ABCD2: variants seen among roughly 807,000 people sequenced by gnomAD.
ABCD2 encodes the protein ATP-binding cassette sub-family D member 2.
Under a neutral mutation model 70.9 loss-of-function variants are expected in ABCD2, and 36 were observed. That is an observed-to-expected ratio of 0.51 (90% CI 0.39 to 0.67). The LOEUF is 0.67. Ranked by LOEUF, ABCD2 falls within the 30% of genes least tolerant of loss-of-function variation. The pLI is 0.00. For missense variants in ABCD2, 729 were observed against 890.2 expected (o/e 0.82, Z 2.30); for synonymous variants, 304 against 306.9 (o/e 0.99, Z 0.10).
rs746425557 is a variant in ABCD2, at chr12:39,603,963, A to C, written c.1449T>G (p.Val483=). The change falls in exon 5 of 10, where the codon GTT becomes GTG. Residue 483 remains valine (V), a synonymous_variant. Transcript: ENST00000308666. The part of the protein sequence containing the change: ...DVDHGIICEN[V]PIITPAGEVV... ...CTTCTCCTGCTGGTGTAATTATGGG[A>C]ACATTTTCACAAATAATTCCGTGAT... is the stretch of plus-strand genomic sequence containing the variant. 1 of 1,612,990 alleles carries C rather than the reference A, an allele frequency of 6.2e-7. No homozygotes were observed. The highest frequency in any genetic ancestry group is 8.5e-7 in the Non-Finnish European group (1 of 1,179,316).
At position 39,616,995 on chromosome 12, in the gene ABCD2, T is replaced by C. The variant is rs1423930097; in HGVS notation, c.1113A>G (p.Ala371=). ...AAGCATAAATGTCATTACCACCATC[T>C]GCAAAGCCAGTTGCAGTGATAATAG... is the stretch of plus-strand genomic sequence containing the variant. ...AIPIITATGF[A]DGEDGQKQVM... The change falls in exon 2 of 10, where the codon GCA becomes GCG. Residue 371 remains alanine, a synonymous_variant. Coordinates refer to ENST00000308666, the MANE Select transcript of ABCD2 (RefSeq NM_005164.4). 1 of 1,585,708 alleles carries C rather than the reference T, an allele frequency of 6.3e-7. No homozygotes were observed.
At chr12:39,613,529 T>C (rs1008151988) in intron 2 of ABCD2, among the ~76,000 whole-genome samples, 2 of 150,658 alleles carry the variant, frequency 1.3e-5, no homozygotes, top group African/African-American at 4.9e-5. Context: ...TAATAGAAAC[T>C]CTACATAACT....
intron 7 of ABCD2, among the ~76,000 whole-genome samples, chr12:39,582,179 G>A (rs1215676967): frequency 6.6e-6 from 1 of 152,068 alleles, no homozygotes; most frequent in African/African-American, 2.4e-5. Context: ...TTATGTGCAA[G>A]GATATAATAG....
At position 39,619,380 on chromosome 12, in the gene ABCD2, C is replaced by T. The variant is rs1212246542; in HGVS notation, c.236G>A (p.Gly79Glu). 1 of 1,613,938 alleles carries T rather than the reference C, an allele frequency of 6.2e-7. No homozygotes were observed. Among genetic ancestry groups the T allele is most frequent in the South Asian group, 1.1e-5 (1 of 91,048 alleles). Residue 79 changes from glycine to glutamate, a missense_variant, in exon 1 of 10, where the codon GGA becomes GAA. Around this residue, in one of 3 missense-constraint regions of ABCD2, gnomAD observed 245 missense variants for 261.2 expected, o/e 0.94. Coordinates refer to ENST00000308666, the MANE Select transcript of ABCD2 (RefSeq NM_005164.4). ...CTGTTTGAAGAAATCTGCATTCACT[C>T]CAGGCGAAGGTTTTTCACAAATGGT... ...TETICEKPSP[G>E]VNADFFKQLL...
chr12:39,558,507 G>A (rs11514215), intron 9 of ABCD2, among the ~76,000 whole-genome samples: 3,438 of 152,304 alleles, frequency 0.023, 60 homozygotes, highest in Non-Finnish European at 0.036. Context: ...CGTGTCAAGG[G>A]AAAGACCAGG....
Position 39,561,437 on chromosome 12 carries a change from C to A in ABCD2, c.2004-7306G>T, listed in dbSNP as rs113962361. Among the ~76,000 whole-genome samples the A allele has an allele frequency of 2.0e-3, 304 of 151,200 alleles. 3 individuals are homozygous for A. The highest frequency in any genetic ancestry group is 6.6e-3 in the African/African-American group (273 of 41,238). ...CAGTGTCTGGATTAAAAAGCAAGAC[C>A]CAACTGTGCGCTGCTTACAGGAGAC... is the stretch of plus-strand genomic sequence containing the variant. On this transcript the variant is annotated intron_variant, in intron 9 of 9. Coordinates refer to ENST00000308666, the MANE Select transcript of ABCD2 (RefSeq NM_005164.4).
At chr12:39,568,601 T>C (rs1424540712) in intron 9 of ABCD2, among the ~76,000 whole-genome samples, 1 of 152,194 alleles carries the variant, frequency 6.6e-6, no homozygotes, top group Non-Finnish European at 1.5e-5. Flanking sequence ...AGTAGTTTGA[T>C]CATCTGAAGC....
intron 9 of ABCD2, among the ~76,000 whole-genome samples, chr12:39,556,319 T>G (rs1005499541): frequency 3.9e-5 from 6 of 152,124 alleles, no homozygotes; most frequent in Non-Finnish European, 7.4e-5. Context: ...AAAATCTCAT[T>G]TTGAATTGTA....
downstream of ABCD2, among the ~76,000 whole-genome samples, chr12:39,548,239 C>T (rs760661298): frequency 2.6e-5 from 4 of 152,112 alleles, no homozygotes; most frequent in Admixed American, 1.3e-4. Context: ...GTAATGCAAC[C>T]GAGCACATTT....
At chr12:39,571,094 A>T (rs1941441722) in intron 9 of ABCD2, among the ~76,000 whole-genome samples, 1 of 152,166 alleles carries the variant, frequency 6.6e-6, no homozygotes, top group Non-Finnish European at 1.5e-5. Context: ...GGATGTGGAA[A>T]AAAGGGAACT....
At chr12:39,537,020 G>A in the ABCD2 span, among the ~76,000 whole-genome samples, 1 of 151,702 alleles carries the variant, frequency 6.6e-6, no homozygotes, top group African/African-American at 2.4e-5. Flanking sequence ...GCTTCAGGCC[G>A]CTCTCTCTTT....
At chr12:39,612,475 AAG>A (rs1170209720) in intron 2 of ABCD2, among the ~76,000 whole-genome samples, 2 of 152,204 alleles carry the variant, frequency 1.3e-5, no homozygotes, top group African/African-American at 2.4e-5. Context: ...CTAGTCATAA[AAG>A]AGTATGTATT....
At chr12:39,596,479 C>T (rs184678517) in intron 6 of ABCD2, among the ~76,000 whole-genome samples, 1 of 148,002 alleles carries the variant, frequency 6.8e-6, no homozygotes, top group Non-Finnish European at 1.5e-5. Flanking sequence ...CTATTTCTCC[C>T]TTTTTTTCTT....
At chr12:39,541,914 A>G in the ABCD2 span, among the ~76,000 whole-genome samples, 2 of 152,226 alleles carry the variant, frequency 1.3e-5, no homozygotes, top group African/African-American at 2.4e-5. Context: ...ATATGATCCT[A>G]TCTGTATAAA....
In ABCD2 at chr12:39,550,701, G is replaced by A. The variant is rs1941076274; in HGVS notation, c.*3211C>T. The A allele has an allele frequency of 6.6e-6, 1 of 151,794 alleles. No individual in the cohort carries two copies. The highest frequency in any genetic ancestry group is 2.4e-5 in the African/African-American group (1 of 41,434). The allele number at this position is 151,794 out of a possible 1,614,324, so 9.4% of individuals were successfully genotyped here. A position where few individuals can be genotyped will look rare whatever the true frequency, so the allele number is the denominator to read the frequency against. ...GAACTGTAAATAGCCTAGGCTATGT[G>A]AAAGTACTTTTCACTTCTAAATGAG... On this transcript the variant is annotated 3_prime_UTR_variant, in exon 10 of 10. Transcript: ENST00000308666.
At chr12:39,578,079 A>G (rs1366224547) in intron 8 of ABCD2, among the ~76,000 whole-genome samples, 1 of 152,216 alleles carries the variant, frequency 6.6e-6, no homozygotes, top group East Asian at 1.9e-4. Context: ...AAATGTTACT[A>G]CTTTCACAAC....
rs536139174 is a variant in ABCD2, at chr12:39,595,059, CTG to C, written c.1646+5510_1646+5511del. 4.9e-4 allele frequency among the ~76,000 whole-genome samples: 74 copies of C among 151,804 alleles called. 3 individuals carry two copies. The South Asian group carries it at 0.014, about 29-fold the overall frequency. Reference sequence around the variant, plus strand: ...CCAGCCTGGGTGACAGAGTGACACTCTGTTTCAAAAAAAGAAAAAGAAAAAAG... The same window carrying C: ...CCAGCCTGGGTGACAGAGTGACACTCTTTCAAAAAAAGAAAAAGAAAAAAG... On this transcript the variant is annotated intron_variant, in intron 6 of 9. Coordinates refer to ENST00000308666, the MANE Select transcript of ABCD2 (RefSeq NM_005164.4).
At chr12:39,538,743 T>C in the ABCD2 span, among the ~76,000 whole-genome samples, 1 of 152,046 alleles carries the variant, frequency 6.6e-6, no homozygotes, top group South Asian at 2.1e-4. Context: ...GCTACTTGCG[T>C]CAACAGGGTG....
At chr12:39,549,740 T>C (rs963775822), downstream of ABCD2, among the ~76,000 whole-genome samples, 1 of 151,940 alleles carries the variant, frequency 6.6e-6, no homozygotes, top group African/African-American at 2.4e-5. Context: ...CCTAAACTAA[T>C]TAAAAGAAGG....
Sources: gnomAD v4.1 joint callset for allele counts (sites outside exome capture counted in the v4.1 genomes callset) on GRCh38, gnomAD v4.1.1 for gene constraint, gnomAD v4.1.1 regional missense constraint, MANE v1.5 for transcripts, NCBI Gene and HGNC (gene_info 2026-07-23, HGNC 2026-07-21) for gene names.